ASPM: variants seen among roughly 807,000 people sequenced by gnomAD.
ASPM encodes abnormal spindle-like microcephaly-associated protein.
In ASPM, 256 loss-of-function variants were observed where a neutral mutation model predicts 366.4. That is an observed-to-expected ratio of 0.70 (90% CI 0.63 to 0.77). The LOEUF (loss-of-function observed/expected upper bound fraction) is 0.77. ASPM is among the 30% of genes least tolerant of loss of function. ASPM has a pLI of 0.00. For synonymous variants in ASPM, 1,414 were observed against 1,342.9 expected (o/e 1.05, Z -1.16); for missense variants, 4,146 against 4,090.4 (o/e 1.01, Z -0.37).
At chr1:197,086,662 T>C in intron 27 of ASPM, 141 bp downstream of exon 27, 1 of 772,324 alleles carries the variant, frequency 1.3e-6, no homozygotes. Context: ...TTCTTTTAAA[T>C]TTACCAAACA....
Position 197,091,057 on chromosome 1 carries a change from A to C in ASPM, c.9445-16T>G. On this transcript the variant is annotated splice_polypyrimidine_tract_variant and intron_variant, in intron 22 of 27. Transcript: ENST00000367409. ...GAAACCATCTCTGTTTAAAACATAG[A>C]ATTTTGTTTTTCATTTCTACTTCAG... 1.3e-6 allele frequency: 2 copies of C among 1,593,912 alleles called. No individual in the cohort carries two copies. The highest frequency in any genetic ancestry group is 2.2e-5 in the East Asian group (1 of 44,596).
Position 197,122,601 on chromosome 1 carries a change from T to A in ASPM, c.3391-6A>T. On this transcript the variant is annotated splice_region_variant and splice_polypyrimidine_tract_variant and intron_variant, in intron 13 of 27. Coordinates refer to ENST00000367409, the MANE Select transcript of ASPM (RefSeq NM_018136.5). ...GACACTGTAAAATTCTCCACCTGAT[T>A]GAAAATGCCAGAAAAACAATTAACC... 1.3e-6 allele frequency: 2 copies of A among 1,594,600 alleles called. No individual in the cohort carries two copies. Among genetic ancestry groups the A allele is most frequent in the Non-Finnish European group, 1.7e-6 (2 of 1,168,714 alleles).
At chr1:197,117,563 T>C (rs1264155864) in intron 17 of ASPM, among the ~76,000 whole-genome samples, 5 of 152,132 alleles carry the variant, frequency 3.3e-5, no homozygotes, top group African/African-American at 9.6e-5. Flanking sequence ...GAGCAACAGG[T>C]ACAGAATTAG....
At position 197,100,730 on chromosome 1, in the gene ASPM, G is replaced by A; in HGVS notation, c.8521C>T (p.Leu2841=). 1 of 1,612,412 alleles carries A rather than the reference G, an allele frequency of 6.2e-7. No individual in the cohort carries two copies. Among genetic ancestry groups the A allele is most frequent in the South Asian group, 1.1e-5 (1 of 91,050 alleles). The change falls in exon 18 of 28, where the codon CTA becomes TTA. Residue 2841 remains leucine, a synonymous_variant. Transcript: ENST00000367409. The stretch of plus-strand genomic sequence containing the variant: ...ATCTGAAGGAAGAACTGAATCCGTA[G>A]GGCAGCACATTTCTGTGTTTCCAGT... ...RKLETQKCAA[L]RIQFFLQMAV...
chr1:197,105,209 A>T, intron 17 of ASPM, 24 bp from the exon 18 acceptor site: 3 of 1,544,188 alleles, frequency 1.9e-6, no homozygotes, highest in Non-Finnish European at 2.7e-6. Context: ...GAAAGGACAC[A>T]AAGTAAAATA....
In ASPM at chr1:197,100,692, C is replaced by T. The variant is rs1217868185; in HGVS notation, c.8559G>A (p.Arg2853=). The T allele has an allele frequency of 6.2e-7, 1 of 1,612,388 alleles. No homozygotes were observed. The highest frequency in any genetic ancestry group is 2.2e-5 in the East Asian group (1 of 44,796). ...IQFFLQMAVY[R]RRFVQQKRAA... ...CTCTTTTCTGCTGAACAAATCTTCT[C>T]CGATACACAGCCATCTGAAGGAAGA... Residue 2853 remains arginine, a synonymous_variant, in exon 18 of 28, where the codon CGG becomes CGA. Transcript: ENST00000367409.
At chr1:197,087,386 T>G (rs1656627782) in intron 26 of ASPM, among the ~76,000 whole-genome samples, 1 of 152,076 alleles carries the variant, frequency 6.6e-6, no homozygotes, top group Non-Finnish European at 1.5e-5. Flanking sequence ...TGCAGTAAAC[T>G]TTTAAGCTTT....
intron 17 of ASPM, 33 bp from the exon 18 acceptor site, chr1:197,105,218 T>C (rs1301833303): frequency 2.7e-6 from 4 of 1,497,660 alleles, no homozygotes; most frequent in East Asian, 2.3e-5. Flanking sequence ...CAAAGTAAAA[T>C]AGGCATAGCT....
chr1:197,094,008 T>TA (rs1052780420), intron 20 of ASPM, 76 bp downstream of exon 20: 3 of 1,038,944 alleles, frequency 2.9e-6, no homozygotes, highest in Non-Finnish European at 4.2e-6. Flanking sequence ...TTTTAAAAAT[T>TA]AAAAAATACA....
At position 197,093,254 on chromosome 1, in the gene ASPM, C is replaced by T. The variant is rs775344657; in HGVS notation, c.9092G>A (p.Arg3031Gln). ...ATGTGCTTGGATCAAACAAGCAGCT[C>T]GATGTCTCTATAAGGAAAAATTTAC... The part of the protein sequence containing the change: ...HEHFLMIKRH[R>Q]AACLIQAHYR... The change falls in exon 21 of 28, where the codon CGA becomes CAA. Residue 3031 changes from arginine to glutamine, a missense_variant. By Grantham distance (43) the Arg-to-Gln change is conservative. Around this residue, in one of 3 missense-constraint regions of ASPM, gnomAD observed 3,624 missense variants for 3,591.7 expected, o/e 1.01. Coordinates refer to ENST00000367409, the MANE Select transcript of ASPM (RefSeq NM_018136.5). 21 of 1,611,374 alleles carry T rather than the reference C, an allele frequency of 1.3e-5. No individual in the cohort carries two copies. In the East Asian group the frequency reaches 1.3e-4, roughly 10 times the overall value.
intron 27 of ASPM, among the ~76,000 whole-genome samples, chr1:197,086,572 TTAATA>T (rs1395834577): frequency 6.6e-6 from 1 of 152,200 alleles, no homozygotes. Flanking sequence ...TCTTAACTAT[TTAATA>T]TAAGAAGTTT....
chr1:197,101,450 C>T lies in ASPM; in HGVS notation c.7801G>A (p.Glu2601Lys). 6.2e-7 allele frequency: 1 copy of T among 1,608,816 alleles called. No individual in the cohort carries two copies. The highest frequency in any genetic ancestry group is 8.5e-7 in the Non-Finnish European group (1 of 1,178,966). Reference sequence around the variant, plus strand: ...TGAACACAAGTCTCTTTCTTAAGTTCATTGTGTTGAAATACTTTCTGTTTC... The same window carrying T: ...TGAACACAAGTCTCTTTCTTAAGTTTATTGTGTTGAAATACTTTCTGTTTC... ...KKKQKVFQHNELKKETCVQAG... is the reference protein window; with the variant it reads ...KKKQKVFQHNKLKKETCVQAG... The change falls in exon 18 of 28, where the codon GAA (glutamate) becomes AAA (lysine). Residue 2601 changes from glutamate to lysine, a missense_variant. Coordinates refer to ENST00000367409, the MANE Select transcript of ASPM (RefSeq NM_018136.5).
chr1:197,139,499 T>G (rs999376767), intron 4 of ASPM, among the ~76,000 whole-genome samples: 2 of 152,218 alleles, frequency 1.3e-5, no homozygotes, highest in Admixed American at 6.5e-5. Flanking sequence ...GTCTTTTCTT[T>G]ATGCTAGAAA....
intron 17 of ASPM, 85 bp from the exon 18 acceptor site, chr1:197,105,270 T>G: frequency 9.5e-7 from 1 of 1,055,766 alleles, no homozygotes; most frequent in Non-Finnish European, 1.4e-6. Context: ...TTTTCTAACA[T>G]TCTGCTTAAA....
At chr1:197,106,326 A>G (rs1657407910) in intron 17 of ASPM, among the ~76,000 whole-genome samples, 1 of 152,124 alleles carries the variant, frequency 6.6e-6, no homozygotes, top group South Asian at 2.1e-4. Flanking sequence ...CAAAATATTT[A>G]TCCAACAACA....
At chr1:197,138,603 T>A in intron 4 of ASPM, 1 of 422,556 alleles carries the variant, frequency 2.4e-6, no homozygotes, top group East Asian at 5.7e-5. Flanking sequence ...CCACTAGGAG[T>A]TCACACTTTA....
Position 197,122,461 on chromosome 1 carries a change from A to T in ASPM, c.3525T>A (p.Gly1175=), listed in dbSNP as rs760530230. Reference sequence around the variant, plus strand: ...CAGATGATGAATTTAATACCACTGAACCAGTTTGCGTACATTCCACAGTTT... The same window carrying T: ...CAGATGATGAATTTAATACCACTGATCCAGTTTGCGTACATTCCACAGTTT... ...TTQTVECTQT[G]SVVLNSSSES... Residue 1175 remains glycine, a synonymous_variant, in exon 14 of 28, where the codon GGT becomes GGA. Coordinates refer to ENST00000367409, the MANE Select transcript of ASPM (RefSeq NM_018136.5). 3.1e-6 allele frequency: 5 copies of T among 1,613,908 alleles called. No homozygotes were observed. The South Asian group carries it at 5.5e-5, about 18-fold the overall frequency.
At chr1:197,132,177 T>C (rs1658275274) in intron 7 of ASPM, 108 bp downstream of exon 7, 2 of 861,440 alleles carry the variant, frequency 2.3e-6, no homozygotes, top group Non-Finnish European at 3.6e-6. Context: ...GCTAACCTAA[T>C]GACTTTCAAC....
chr1:197,095,245 C>T (rs1656933413), intron 19 of ASPM, among the ~76,000 whole-genome samples: 1 of 151,640 alleles, frequency 6.6e-6, no homozygotes, highest in East Asian at 1.9e-4. Flanking sequence ...TCCACCCCTC[C>T]CCTCTCCCTA....
Sources: allele counts gnomAD v4.1 joint callset (sites outside exome capture counted in the v4.1 genomes callset), GRCh38; gene constraint gnomAD v4.1.1; regional missense constraint gnomAD v4.1.1; transcripts MANE v1.5; gene names NCBI Gene and HGNC (gene_info 2026-07-23, HGNC 2026-07-21).